Variants in ZNF808 observed in about 807,000 individuals in gnomAD.
ZNF808 encodes the protein zinc finger protein 808.
ZNF808 carries 5 observed loss-of-function variants against 8.7 expected under a neutral mutation model. The ratio of observed to expected loss-of-function variants is 0.58; its 90% CI spans 0.30 to 1.21. The LOEUF is 1.21. ZNF808 is among the 50% of genes most tolerant of loss of function. The pLI, the probability that ZNF808 is intolerant of heterozygous loss-of-function variation, is 0.07. For synonymous variants in ZNF808, 380 were observed against 366.0 expected (o/e 1.04, Z -0.44); for missense variants, 1,103 against 1,098.4 (o/e 1.00, Z -0.06).
At chr19:52,530,249 G>A (rs2059549298) in intron 1 of ZNF808, among the ~76,000 whole-genome samples, 2 of 152,026 alleles carry the variant, frequency 1.3e-5, no homozygotes, top group African/African-American at 2.4e-5. Flanking sequence ...TAGTAGAGAC[G>A]AGGTTTCTTC....
intron 1 of ZNF808, among the ~76,000 whole-genome samples, chr19:52,530,672 AAG>A (rs1555762336): frequency 6.6e-6 from 1 of 150,844 alleles, no homozygotes; most frequent in African/African-American, 2.4e-5. Flanking sequence ...GACAAAAAAA[AAG>A]AGAGAAAGAA....
intron 2 of ZNF808, among the ~76,000 whole-genome samples, chr19:52,533,518 GC>G (rs1046657071): frequency 6.6e-6 from 1 of 151,556 alleles, no homozygotes; most frequent in Non-Finnish European, 1.5e-5. Flanking sequence ...GAGCCACTGC[GC>G]CCGGCCCAGG....
At chr19:52,566,896 C>T (rs996854022), downstream of ZNF808, among the ~76,000 whole-genome samples, 7 of 151,996 alleles carry the variant, frequency 4.6e-5, no homozygotes, top group African/African-American at 1.2e-4. Flanking sequence ...ACAATGTATG[C>T]TTCTAAGCTA....
chr19:52,534,993 T>C (rs894333211), intron 2 of ZNF808, among the ~76,000 whole-genome samples: 31 of 151,832 alleles, frequency 2.0e-4, no homozygotes, highest in African/African-American at 7.3e-4. Context: ...AGAATAATAT[T>C]GGATCTCTAT....
chr19:52,539,727 A>G (rs2059652091), intron 2 of ZNF808, among the ~76,000 whole-genome samples: 1 of 148,308 alleles, frequency 6.7e-6, no homozygotes. Context: ...CTAATTTTGT[A>G]TTTTCAGTGG....
At chr19:52,529,005 AG>A (rs1848015300) in intron 1 of ZNF808, among the ~76,000 whole-genome samples, 2 of 152,024 alleles carry the variant, frequency 1.3e-5, no homozygotes, top group South Asian at 4.2e-4. Context: ...CCAGGGAGAA[AG>A]AAAAGAAAAC....
At chr19:52,547,760 G>A (rs911643594) in intron 4 of ZNF808, 122 bp downstream of exon 4, 2 of 946,668 alleles carry the variant, frequency 2.1e-6, no homozygotes, top group East Asian at 3.0e-5. Context: ...TTTTTTTTTT[G>A]ACATGGAGTT....
intron 3 of ZNF808, 146 bp from the exon 4 acceptor site, chr19:52,547,366 A>G (rs2059732042): frequency 6.7e-7 from 1 of 1,489,400 alleles, no homozygotes; most frequent in Non-Finnish European, 8.9e-7. Context: ...AACTATACGG[A>G]AAAAATAGTC....
Position 52,553,784 on chromosome 19 carries a change from A to G in ZNF808, c.868A>G (p.Lys290Glu). 6.2e-7 allele frequency: 1 copy of G among 1,614,104 alleles called. No homozygotes were observed. The highest frequency in any genetic ancestry group is 8.5e-7 in the Non-Finnish European group (1 of 1,180,014). The change falls in exon 5 of 5, where the codon AAA becomes GAA. Residue 290 changes from lysine (K) to glutamate (E), a missense_variant. Coordinates refer to ENST00000359798, the MANE Select transcript of ZNF808 (RefSeq NM_001039886.4). ...CHTGEKPYKC[K>E]ECGKSFSYKS... Reference sequence around the variant, plus strand: ...CACTGGAGAGAAACCTTACAAGTGTAAAGAGTGTGGAAAGTCCTTCAGTTA... The same window carrying G: ...CACTGGAGAGAAACCTTACAAGTGTGAAGAGTGTGGAAAGTCCTTCAGTTA...
At position 52,555,474 on chromosome 19, in the gene ZNF808, A is replaced by G; in HGVS notation, c.2558A>G (p.Asp853Gly). 2 of 1,613,938 alleles carry G rather than the reference A, an allele frequency of 1.2e-6. No individual in the cohort carries two copies. Among genetic ancestry groups the G allele is most frequent in the Non-Finnish European group, 1.7e-6 (2 of 1,179,938 alleles). ...AAACCTTACAAATGTGAAGCATGTG[A>G]CAAAGTTTTCAGTCGCAAATCACAC... ...GEKPYKCEAC[D>G]KVFSRKSHLK... Residue 853 changes from aspartate (D) to glycine (G), a missense_variant, in exon 5 of 5, where the codon GAC (aspartate) becomes GGC (glycine). By Grantham distance (94) the Asp-to-Gly change is moderately conservative. Coordinates refer to ENST00000359798, the MANE Select transcript of ZNF808 (RefSeq NM_001039886.4).
In ZNF808 at chr19:52,555,336, C is replaced by A. The variant is rs779325682; in HGVS notation, c.2420C>A (p.Ala807Glu). 6.2e-7 allele frequency: 1 copy of A among 1,614,092 alleles called. No homozygotes were observed. ...DKAFVRNSYL[A>E]RHIRIHTAEK... ...GCTTTCGTGCGTAATTCATACCTGG[C>A]AAGACATATTAGAATTCACACTGCA... Residue 807 changes from alanine to glutamate, a missense_variant, in exon 5 of 5, where the codon GCA (alanine) becomes GAA (glutamate). Transcript: ENST00000359798.
exon 4 of ZNF808, chr19:52,564,423 CA>C (rs201895425): frequency 3.3e-3 from 916 of 277,174 alleles, no homozygotes; most frequent in Middle Eastern, 5.6e-3. Flanking sequence ...CCTTTCATTT[CA>C]AAAAAAAAAT....
intron 2 of ZNF808, among the ~76,000 whole-genome samples, chr19:52,539,548 GTTTTTTT>G (rs71180473): frequency 3.8e-5 from 2 of 51,964 alleles, no homozygotes; most frequent in Admixed American, 2.8e-4. Context: ...TGTTGTGGTG[GTTTTTTT>G]TTTTTTTTTT....
chr19:52,533,843 CAAAAAAAAAAAA>C (rs919374020), intron 2 of ZNF808, among the ~76,000 whole-genome samples: 2 of 30,774 alleles, frequency 6.5e-5, no homozygotes, highest in Non-Finnish European at 1.1e-4. Context: ...ACTCCGTCTC[CAAAAAAAAAAAA>C]AAAAAAAAAA....
downstream of ZNF808, among the ~76,000 whole-genome samples, chr19:52,568,227 AGCCGG>A (rs1253692077): frequency 6.6e-6 from 1 of 152,138 alleles, no homozygotes; most frequent in East Asian, 1.9e-4. Context: ...CAAAGCCATT[AGCCGG>A]GCATGGTGGC....
intron 2 of ZNF808, among the ~76,000 whole-genome samples, chr19:52,542,499 G>C (rs1055079070): frequency 6.6e-6 from 1 of 151,672 alleles, no homozygotes; most frequent in Admixed American, 6.6e-5. Flanking sequence ...CTAGGTCCTT[G>C]TTCTGATATC....
At chr19:52,530,047 G>C (rs190855605) in intron 1 of ZNF808, among the ~76,000 whole-genome samples, 2 of 151,782 alleles carry the variant, frequency 1.3e-5, no homozygotes, top group Non-Finnish European at 2.9e-5. Flanking sequence ...GGCCCACCGC[G>C]TCTGGCCTAC....
At chr19:52,546,364 T>A (rs191417404) in intron 3 of ZNF808, among the ~76,000 whole-genome samples, 102 of 152,050 alleles carry the variant, frequency 6.7e-4, no homozygotes, top group Non-Finnish European at 6.9e-4. Context: ...ATTTTTGTGT[T>A]TTTACTAGAG....
At position 52,539,547 on chromosome 19, in the gene ZNF808, G is replaced by C. The variant is rs2868488; in HGVS notation, c.-19-3719G>C. 6.8e-5 allele frequency among the ~76,000 whole-genome samples: 5 copies of C among 73,364 alleles called. No homozygotes were observed. In the Admixed American group the frequency reaches 9.2e-4, roughly 13 times the overall value. The allele number at this position is 73,364 out of a possible 152,430, so 48.1% of individuals were successfully genotyped here. On this transcript the variant is annotated intron_variant, in intron 2 of 4. Coordinates refer to ENST00000359798, the MANE Select transcript of ZNF808 (RefSeq NM_001039886.4). ...TTAATTTACTTATTTTTGTTGTGGTGGTTTTTTTTTTTTTTTTTTTTTTTT... is the reference window on the plus strand; with the variant it reads ...TTAATTTACTTATTTTTGTTGTGGTCGTTTTTTTTTTTTTTTTTTTTTTTT...
Sources: allele counts gnomAD v4.1 joint callset (sites outside exome capture counted in the v4.1 genomes callset), GRCh38; gene constraint gnomAD v4.1.1; transcripts MANE v1.5; gene names NCBI Gene and HGNC (gene_info 2026-07-23, HGNC 2026-07-21).